Variants in LTBP4 observed in about 807,000 individuals in gnomAD.
LTBP4 encodes the protein latent-transforming growth factor beta-binding protein 4.
A neutral mutation model predicts 180.2 loss-of-function variants in LTBP4; 93 were observed. The observed-to-expected ratio is 0.52, with a 90% CI of 0.44 to 0.61. The LOEUF (loss-of-function observed/expected upper bound fraction) is 0.61, where lower values mean the gene tolerates loss of function less well. Among genes scored for constraint, LTBP4 ranks in the 20% least tolerant of loss-of-function variants. The probability of loss-of-function intolerance (pLI) is 0.00; values close to 1 mark genes in which losing one functional copy is unlikely to be tolerated. For missense variants in LTBP4, 2,116 were observed against 2,256.5 expected (o/e 0.94, Z 1.26); for synonymous variants, 947 against 934.5 (o/e 1.01, Z -0.24).
chr19:40,623,151 C>CT, intron 24 of LTBP4, 130 bp downstream of exon 24: 2 of 563,360 alleles, frequency 3.6e-6, no homozygotes, highest in Non-Finnish European at 5.9e-6. Context: ...CACCCATACT[C>CT]TGTCTCTTTC....
chr19:40,626,084 T>G, intron 27 of LTBP4, 75 bp downstream of exon 27: 2 of 1,465,092 alleles, frequency 1.4e-6, no homozygotes, highest in South Asian at 2.7e-5. Context: ...AGATCCCCAG[T>G]CGCAGAACCC....
At chr19:40,614,265 C>T (rs1278728609) in intron 18 of LTBP4, 50 bp from the exon 19 acceptor site, 2 of 1,581,666 alleles carry the variant, frequency 1.3e-6, no homozygotes, top group Middle Eastern at 1.7e-4. Flanking sequence ...TTGTATCCCC[C>T]ATCTTGCCTC....
chr19:40,623,898 G>A (rs373819302), intron 25 of LTBP4, 38 bp from the exon 26 acceptor site: 21 of 1,610,898 alleles, frequency 1.3e-5, no homozygotes, highest in Non-Finnish European at 1.7e-5. Flanking sequence ...AGGGTGGGGA[G>A]AGTTGAAGGG....
intron 1 of LTBP4, among the ~76,000 whole-genome samples, chr19:40,595,813 C>A (rs576157476): frequency 1.2e-3 from 187 of 151,932 alleles, no homozygotes; most frequent in Admixed American, 2.2e-3. Flanking sequence ...TCACTGCAGC[C>A]TCCACTTACC....
At chr19:40,599,998 C>T, upstream of LTBP4, 1 of 786,834 alleles carries the variant, frequency 1.3e-6, no homozygotes, top group East Asian at 3.4e-5. Flanking sequence ...ATTTTCCTGG[C>T]ATGGAGGCCC....
Position 40,629,431 on chromosome 19 carries a change from C to T in LTBP4, c.4555C>T (p.Pro1519Ser), listed in dbSNP as rs2081661062. 1.2e-6 allele frequency: 2 copies of T among 1,612,802 alleles called. No individual in the cohort carries two copies. Among genetic ancestry groups the T allele is most frequent in the East Asian group, 2.2e-5 (1 of 44,854 alleles). The change falls in exon 30 of 30, where the codon CCG (proline) becomes TCG (serine). Residue 1519 changes from proline (P) to serine (S), a missense_variant. Physicochemically the swap from Pro to Ser is moderately conservative, Grantham distance 74. Transcript: ENST00000396819. The surrounding 1 kb of genome is among the most constrained non-coding windows in gnomAD (Gnocchi z 4.5). ...GTGTGATGAGGCCGAGGCTGCCTCC[C>T]CGCTGTGCGTCAACGCGCGTTGCCT... is the stretch of plus-strand genomic sequence containing the variant. Reference protein sequence around the residue: ...NECDEAEAASPLCVNARCLNT... With the variant: ...NECDEAEAASSLCVNARCLNT...
At position 40,622,834 on chromosome 19, in the gene LTBP4, G is replaced by A; in HGVS notation, c.3485-116G>A. 1 of 1,386,880 alleles carries A rather than the reference G, an allele frequency of 7.2e-7. No homozygotes were observed. Among genetic ancestry groups the A allele is most frequent in the South Asian group, 1.3e-5 (1 of 74,462 alleles). The allele number at this position is 1,386,880 out of a possible 1,614,324, so 85.9% of individuals were successfully genotyped here. A position where few individuals can be genotyped will look rare whatever the true frequency, so the allele number is the denominator to read the frequency against. On this transcript the variant is annotated intron_variant, in intron 23 of 29. Coordinates refer to ENST00000396819, the MANE Select transcript of LTBP4 (RefSeq NM_001042545.2). The surrounding 1 kb of genome is among the most constrained non-coding windows in gnomAD (Gnocchi z 5.1). ...TGGGCATGGGCAGACATAAGGCTGA[G>A]AGGTGGGCACTAACAGGCACAGGGC...
At chr19:40,608,646 C>G (rs1196429449) in intron 9 of LTBP4, 43 bp downstream of exon 9, 11 of 1,549,634 alleles carry the variant, frequency 7.1e-6, no homozygotes, top group African/African-American at 6.8e-5. Context: ...GCAGCAGTGG[C>G]TCACGCCTGT....
chr19:40,627,934 G>T, intron 29 of LTBP4, 77 bp downstream of exon 29: 1 of 1,492,462 alleles, frequency 6.7e-7, no homozygotes, highest in Non-Finnish European at 8.9e-7. Context: ...CTGACTAGGG[G>T]GTGCTGGTCA....
At chr19:40,608,108 C>T (rs2081476343) in intron 7 of LTBP4, 112 bp from the exon 8 acceptor site, 1 of 1,194,276 alleles carries the variant, frequency 8.4e-7, no homozygotes. Context: ...CCAGCTCAAA[C>T]CCCTGACACT....
Position 40,611,368 on chromosome 19 carries a change from C to T in LTBP4, c.2027C>T (p.Ser676Phe), listed in dbSNP as rs751041763. ...TGTGCCTGCCCTGCTGGCTTCCGCT[C>T]CCGAGGGCCCGGGGCCCCCTGCCAA... ...FHCACPAGFR[S>F]RGPGAPCQDV... is the part of the protein sequence containing the mutation. The change falls in exon 13 of 30, where the codon TCC becomes TTC. Residue 676 changes from serine to phenylalanine, a missense_variant. Ser to Phe is a radical substitution (Grantham distance 155). Transcript: ENST00000396819. This position sits in a 1 kb window ranked among gnomAD's most constrained non-coding sequence, Gnocchi z 4.4. The T allele has an allele frequency of 1.9e-6, 3 of 1,608,106 alleles. No homozygotes were observed. The African/African-American group carries it at 4.0e-5, about 22-fold the overall frequency.
rs1446729180 is a variant in LTBP4 at position 40,605,661 on chromosome 19, A to T, written c.690+9A>T. The stretch of plus-strand genomic sequence containing the variant: ...AGCTGCGCGGAGGCGAAGTGAGAGG[A>T]GGCCCGTGGGGAGGGGCCCGGAGCT... On this transcript the variant is annotated intron_variant, in intron 3 of 29. Transcript: ENST00000396819. The surrounding 1 kb of genome is among the most constrained non-coding windows in gnomAD (Gnocchi z 5.5). 8.7e-5 allele frequency: 136 copies of T among 1,558,886 alleles called. No homozygotes were observed. The highest frequency in any genetic ancestry group is 1.1e-4 in the Non-Finnish European group (129 of 1,152,670).
In LTBP4 at chr19:40,623,802, A is replaced by T. The variant is rs2041851024; in HGVS notation, c.3685+70A>T. The T allele has an allele frequency of 7.5e-6, 12 of 1,602,042 alleles. 1 individual carries two copies. The Middle Eastern group carries it at 6.6e-4, about 89-fold the overall frequency. The stretch of plus-strand genomic sequence containing the variant: ...CCTAGCCTTGCCAGCTCCCCTCTGG[A>T]ATGTGGCCACCACCAGCGGGAAGTC... On this transcript the variant is annotated intron_variant, in intron 25 of 29. Coordinates refer to ENST00000396819, the MANE Select transcript of LTBP4 (RefSeq NM_001042545.2).
chr19:40,628,793 A>C (rs1468970062), intron 29 of LTBP4, among the ~76,000 whole-genome samples: 1 of 152,212 alleles, frequency 6.6e-6, no homozygotes, highest in Non-Finnish European at 1.5e-5. Flanking sequence ...TAATGTGCTT[A>C]AAACAATGCA....
In LTBP4 at chr19:40,610,620, C is replaced by T. The variant is rs2081498973; in HGVS notation, c.1773C>T (p.Ala591=). ...TPGSFLCVCP[A]GYQAAPHGAS... ...GCAGCTTCCTGTGCGTGTGCCCCGCCGGGTACCAGGCTGCACCGCACGGAG... is the reference window on the plus strand; with the variant it reads ...GCAGCTTCCTGTGCGTGTGCCCCGCTGGGTACCAGGCTGCACCGCACGGAG... Residue 591 remains alanine (A), a synonymous_variant, in exon 12 of 30, where the codon GCC becomes GCT. Transcript: ENST00000396819. 1.3e-6 allele frequency: 2 copies of T among 1,589,024 alleles called. No homozygotes were observed. The highest frequency in any genetic ancestry group is 8.5e-7 in the Non-Finnish European group (1 of 1,174,902).
chr19:40,622,911 G>A lies in LTBP4; in HGVS notation c.3485-39G>A, dbSNP rs1338397498. ...ACGAGCAGGTCAGGGCTGGGGCTGG[G>A]GCTCTGGTGTCCTGGCTCAGGCTTG... On this transcript the variant is annotated intron_variant, in intron 23 of 29. Coordinates refer to ENST00000396819, the MANE Select transcript of LTBP4 (RefSeq NM_001042545.2). The surrounding 1 kb of genome is among the most constrained non-coding windows in gnomAD (Gnocchi z 5.1). 1 of 1,601,564 alleles carries A rather than the reference G, an allele frequency of 6.2e-7. No homozygotes were observed.
chr19:40,613,856 G>C lies in LTBP4; in HGVS notation c.2558-60G>C. 6.2e-7 allele frequency: 1 copy of C among 1,608,330 alleles called. No homozygotes were observed. The highest frequency in any genetic ancestry group is 2.2e-5 in the East Asian group (1 of 44,802). On this transcript the variant is annotated intron_variant, in intron 17 of 29. Transcript: ENST00000396819. This position sits in a 1 kb window ranked among gnomAD's most constrained non-coding sequence, Gnocchi z 5.0. ...GAGCCGAGGGGCGGTGGAGGGGTGT[G>C]GCCTAGAATGTTAGGCGGAGCGGGA...
At position 40,629,542 on chromosome 19, in the gene LTBP4, C is replaced by T. The variant is rs1459808397; in HGVS notation, c.4666C>T (p.Arg1556Trp). 4 of 1,481,626 alleles carry T rather than the reference C, an allele frequency of 2.7e-6. No individual in the cohort carries two copies. The highest frequency in any genetic ancestry group is 3.6e-6 in the Non-Finnish European group (4 of 1,118,328). The allele number at this position is 1,481,626 out of a possible 1,614,324, so 91.8% of individuals were successfully genotyped here. A position where few individuals can be genotyped will look rare whatever the true frequency, so the allele number is the denominator to read the frequency against. ...QPHHCAPARP[R>W]A ...GCACCACTGTGCGCCCGCACGGCCC[C>T]GGGCCTGAGCCCTGGCACCCGCTGG... The change falls in exon 30 of 30, where the codon CGG (arginine) becomes TGG (tryptophan). Residue 1556 changes from arginine to tryptophan, a missense_variant. Around this residue, in one of 5 missense-constraint regions of LTBP4, gnomAD observed 488 missense variants for 458.8 expected, o/e 1.06. Transcript: ENST00000396819. The surrounding 1 kb of genome is among the most constrained non-coding windows in gnomAD (Gnocchi z 4.5).
In LTBP4 at chr19:40,602,548, C is replaced by A. The variant is rs551259227; in HGVS notation, c.250+911C>A. Among the ~76,000 whole-genome samples the A allele has an allele frequency of 3.4e-4, 52 of 152,278 alleles. 1 individual carries two copies. The South Asian group carries it at 9.7e-3, about 28-fold the overall frequency. ...GCGTGAGCTCATCTCCCGCCTGAGC[C>A]CCCGCCCGCTGCCACTCCCTCTCTC... On this transcript the variant is annotated intron_variant, in intron 1 of 29. Transcript: ENST00000396819.
Sources: gnomAD v4.1 joint callset for allele counts (sites outside exome capture counted in the v4.1 genomes callset) on GRCh38, gnomAD v4.1.1 for gene constraint, gnomAD v4.1.1 regional missense constraint, Gnocchi (gnomAD v3.1) non-coding constraint, MANE v1.5 for transcripts, NCBI Gene and HGNC (gene_info 2026-07-23, HGNC 2026-07-21) for gene names.